The following FSTL5 variants were observed in gnomAD, a reference collection of about 807,000 sequenced individuals.
FSTL5 encodes follistatin-related protein 5.
FSTL5 carries 62 observed loss-of-function variants against 89.1 expected under a neutral mutation model. That is an observed-to-expected ratio of 0.70 (90% CI 0.57 to 0.86). The LOEUF is 0.86. FSTL5 is among the 40% of genes least tolerant of loss of function. The pLI is 0.00. For synonymous variants in FSTL5, 383 were observed against 346.2 expected (o/e 1.11, Z -1.18); for missense variants, 1,057 against 1,001.6 (o/e 1.06, Z -0.75).
intron 12 of FSTL5, among the ~76,000 whole-genome samples, chr4:161,494,057 C>A (rs116729355): frequency 1.6e-4 from 25 of 152,140 alleles, no homozygotes; most frequent in African/African-American, 6.0e-4. Context: ...TGTCAAGCAC[C>A]GATTTCTTAA....
At chr4:161,851,164 G>C (rs1731537254) in intron 4 of FSTL5, among the ~76,000 whole-genome samples, 1 of 152,104 alleles carries the variant, frequency 6.6e-6, no homozygotes, top group Non-Finnish European at 1.5e-5. Flanking sequence ...ACATGACAAA[G>C]TTTAGAAAAC....
intron 8 of FSTL5, among the ~76,000 whole-genome samples, chr4:161,576,280 A>G (rs1459425092): frequency 1.3e-5 from 2 of 152,224 alleles, no homozygotes. Flanking sequence ...ATTCTCATCA[A>G]GTTACCATTG....
At chr4:161,513,577 T>C (rs1730723860) in intron 10 of FSTL5, among the ~76,000 whole-genome samples, 1 of 152,142 alleles carries the variant, frequency 6.6e-6, no homozygotes, top group Non-Finnish European at 1.5e-5. Context: ...AGCAAAGATA[T>C]GAAATCAACC....
chr4:161,734,442 C>A (rs184889313), intron 6 of FSTL5, among the ~76,000 whole-genome samples: 1 of 152,296 alleles, frequency 6.6e-6, no homozygotes, highest in East Asian at 1.9e-4. Context: ...GACACTAATG[C>A]CTTCTGAAGC....
chr4:161,751,674 C>T (rs1034111051), intron 6 of FSTL5, among the ~76,000 whole-genome samples: 16 of 151,410 alleles, frequency 1.1e-4, no homozygotes, highest in African/African-American at 3.4e-4. Context: ...TTAACTACTT[C>T]GGAGGGTGAA....
At chr4:161,472,872 G>GT (rs1197095903) in intron 13 of FSTL5, among the ~76,000 whole-genome samples, 1 of 151,906 alleles carries the variant, frequency 6.6e-6, no homozygotes, top group Non-Finnish European at 1.5e-5. Context: ...TTACAGGAGT[G>GT]TACCACCATG....
At chr4:161,642,093 T>A (rs1735986662) in intron 7 of FSTL5, among the ~76,000 whole-genome samples, 1 of 152,168 alleles carries the variant, frequency 6.6e-6, no homozygotes. Context: ...GCTTGATGAT[T>A]CGATATATGT....
chr4:161,688,208 C>T (rs558758617), intron 6 of FSTL5, among the ~76,000 whole-genome samples: 9 of 152,232 alleles, frequency 5.9e-5, no homozygotes, highest in East Asian at 1.9e-4. Flanking sequence ...TCAGCCTCTG[C>T]GGTAGCTGGG....
intron 6 of FSTL5, among the ~76,000 whole-genome samples, chr4:161,728,124 T>C (rs906184850): frequency 1.3e-5 from 2 of 152,224 alleles, no homozygotes; most frequent in African/African-American, 4.8e-5. Flanking sequence ...AAGTCTGAGC[T>C]TGATTCCCGG....
chr4:161,546,183 A>G (rs1024642366), intron 8 of FSTL5, among the ~76,000 whole-genome samples: 12 of 151,218 alleles, frequency 7.9e-5, no homozygotes, highest in African/African-American at 2.9e-4. Flanking sequence ...GAAAAAAATC[A>G]TAGCCACAAT....
At chr4:162,147,775 G>A (rs978680259) in intron 1 of FSTL5, among the ~76,000 whole-genome samples, 4 of 152,160 alleles carry the variant, frequency 2.6e-5, no homozygotes. Flanking sequence ...CGCTTTGGGT[G>A]GCTGAGGTGG....
chr4:161,513,384 A>G (rs1041593403), intron 10 of FSTL5, among the ~76,000 whole-genome samples: 2 of 151,374 alleles, frequency 1.3e-5, no homozygotes, highest in African/African-American at 2.4e-5. Flanking sequence ...AGGATCAGGA[A>G]AAATAACTAA....
rs564157191 is a variant in FSTL5 at position 161,813,321 on chromosome 4, G to A, written c.410-37247C>T. ...TGGGATTACAAGTGTGAGCCACCGC[G>A]CCTGGCTGAAAGATTCTTTAGAATC... On this transcript the variant is annotated intron_variant, in intron 4 of 15. Transcript: ENST00000306100. Among the ~76,000 whole-genome samples the A allele has an allele frequency of 4.3e-4, 66 of 152,118 alleles. 1 individual carries two copies. The highest frequency in any genetic ancestry group is 5.2e-4 in the Admixed American group (8 of 15,268).
At chr4:161,856,559 G>A (rs1034393826) in intron 4 of FSTL5, among the ~76,000 whole-genome samples, 1 of 151,586 alleles carries the variant, frequency 6.6e-6, no homozygotes, top group Non-Finnish European at 1.5e-5. Context: ...AGTGAAAAAA[G>A]CCAAATGCCT....
chr4:161,894,275 G>A (rs1474491223), intron 4 of FSTL5, among the ~76,000 whole-genome samples: 2 of 151,792 alleles, frequency 1.3e-5, no homozygotes. Flanking sequence ...ATTAGTCCTG[G>A]CATGAAAAAA....
In FSTL5 at chr4:161,704,243, C is replaced by T. The variant is rs138703043; in HGVS notation, c.728-47749G>A. Among the ~76,000 whole-genome samples the T allele has an allele frequency of 5.9e-3, 896 of 152,270 alleles. 13 individuals carry two copies. The highest frequency in any genetic ancestry group is 0.047 in the South Asian group (225 of 4,830). On this transcript the variant is annotated intron_variant, in intron 6 of 15. Coordinates refer to ENST00000306100, the MANE Select transcript of FSTL5 (RefSeq NM_020116.5). Reference sequence around the variant, plus strand: ...AGCCCCCTCCCTGCTTCCAGTCTTCCTGCCTTTGTTTCGAGTTGTCCCGCC... The same window carrying T: ...AGCCCCCTCCCTGCTTCCAGTCTTCTTGCCTTTGTTTCGAGTTGTCCCGCC...
At chr4:161,770,355 A>G (rs2126799291) in intron 5 of FSTL5, among the ~76,000 whole-genome samples, 1 of 152,128 alleles carries the variant, frequency 6.6e-6, no homozygotes, top group East Asian at 1.9e-4. Flanking sequence ...AATTTAATTG[A>G]ATTGCTTGTA....
intron 6 of FSTL5, among the ~76,000 whole-genome samples, chr4:161,709,048 G>T (rs768757873): frequency 1.3e-5 from 2 of 152,100 alleles, no homozygotes; most frequent in Non-Finnish European, 2.9e-5. Context: ...CACAAAAGTT[G>T]TGATTATTTT....
At chr4:161,817,639 A>G (rs2126846339) in intron 4 of FSTL5, among the ~76,000 whole-genome samples, 1 of 152,288 alleles carries the variant, frequency 6.6e-6, no homozygotes, top group East Asian at 1.9e-4. Flanking sequence ...TTACAGCACA[A>G]TTTTTAAGTT....
Sources: gnomAD v4.1 joint callset for allele counts (sites outside exome capture counted in the v4.1 genomes callset) on GRCh38, gnomAD v4.1.1 for gene constraint, MANE v1.5 for transcripts, NCBI Gene and HGNC (gene_info 2026-07-23, HGNC 2026-07-21) for gene names.